Variants in PARD3B observed in about 807,000 individuals in gnomAD.
PARD3B encodes partitioning defective 3 homolog B.
A neutral mutation model predicts 130.2 loss-of-function variants in PARD3B; 103 were observed. That is an observed-to-expected ratio of 0.79 (90% CI 0.67 to 0.93). The LOEUF (loss-of-function observed/expected upper bound fraction) is 0.93, where lower values mean the gene tolerates loss of function less well. PARD3B is among the 40% of genes least tolerant of loss of function. PARD3B has a pLI of 0.00. For missense variants in PARD3B, 1,609 were observed against 1,499.2 expected (o/e 1.07, Z -1.21); for synonymous variants, 583 against 553.2 (o/e 1.05, Z -0.76).
chr2:205,178,223 G>GT lies in PARD3B; in HGVS notation c.1924+1646_1924+1647insT, dbSNP rs139926040. ...CATGCCTGTAATCCCAGCTACTATG[G>GT]GGGGGGAAAAAAAAAAGAAGAAGCT... is the stretch of plus-strand genomic sequence containing the variant. On this transcript the variant is annotated intron_variant, in intron 13 of 22. Transcript: ENST00000406610. 2.1e-5 allele frequency among the ~76,000 whole-genome samples: 3 copies of GT among 144,220 alleles called. 1 individual carries two copies. The highest frequency in any genetic ancestry group is 4.5e-5 in the Non-Finnish European group (3 of 67,266). The allele number at this position is 144,220 out of a possible 152,430, so 94.6% of individuals were successfully genotyped here. A position where few individuals can be genotyped will look rare whatever the true frequency, so the allele number is the denominator to read the frequency against.
chr2:204,837,261 T>C (rs2044074442), intron 2 of PARD3B, among the ~76,000 whole-genome samples: 1 of 152,140 alleles, frequency 6.6e-6, no homozygotes, highest in South Asian at 2.1e-4. Flanking sequence ...TAGTTCAAAG[T>C]ATACTTTTTA....
In PARD3B at chr2:205,489,377, C is replaced by T. The variant is rs576324756; in HGVS notation, c.3045-10519C>T. Reference sequence around the variant, plus strand: ...CTATAATCCCAGTGCTTTAGGAGGCCGAGACAGGAGGATAGCTTGAGCTCA... The same window carrying T: ...CTATAATCCCAGTGCTTTAGGAGGCTGAGACAGGAGGATAGCTTGAGCTCA... On this transcript the variant is annotated intron_variant, in intron 20 of 22. Transcript: ENST00000406610. 4.6e-5 allele frequency among the ~76,000 whole-genome samples: 7 copies of T among 151,514 alleles called. No homozygotes were observed. The South Asian group carries it at 1.5e-3, about 32-fold the overall frequency.
chr2:204,716,727 A>G (rs533224810), intron 2 of PARD3B, among the ~76,000 whole-genome samples: 1 of 147,790 alleles, frequency 6.8e-6, no homozygotes, highest in Admixed American at 6.9e-5. Flanking sequence ...GGTTCACGCC[A>G]TTCTCCTGCC....
At chr2:205,211,297 T>C (rs914813266) in intron 15 of PARD3B, among the ~76,000 whole-genome samples, 1 of 152,016 alleles carries the variant, frequency 6.6e-6, no homozygotes, top group Non-Finnish European at 1.5e-5. Flanking sequence ...TTCAGCTCCA[T>C]GTGAATGTAT....
chr2:205,387,680 G>A (rs2045710613), intron 18 of PARD3B, among the ~76,000 whole-genome samples: 1 of 152,182 alleles, frequency 6.6e-6, no homozygotes, highest in Non-Finnish European at 1.5e-5. Context: ...AAATATGACT[G>A]TAATGTTTGT....
In PARD3B at chr2:204,745,982, C is replaced by CTT. The variant is rs202102119; in HGVS notation, c.222+59710_222+59711dup. Among the ~76,000 whole-genome samples, 258 of 145,092 alleles carry CTT rather than the reference C, an allele frequency of 1.8e-3. 2 individuals are homozygous for CTT. The East Asian group carries it at 0.018, about 10-fold the overall frequency. ...CATGTAATATAGCAGGATTTTTTTT[C>CTT]TTTTTTTTTTTATTATACTTTAAGT... On this transcript the variant is annotated intron_variant, in intron 2 of 22. Transcript: ENST00000406610.
intron 2 of PARD3B, among the ~76,000 whole-genome samples, chr2:204,867,235 C>A (rs2045461288): frequency 1.3e-5 from 2 of 151,928 alleles, no homozygotes; most frequent in South Asian, 4.1e-4. Flanking sequence ...TTAGCCCTAA[C>A]AAATCTGAGT....
At chr2:205,483,060 TTG>T (rs1325118643) in intron 20 of PARD3B, among the ~76,000 whole-genome samples, 1 of 148,366 alleles carries the variant, frequency 6.7e-6, no homozygotes, top group East Asian at 2.0e-4. Flanking sequence ...TCTCGGTTCA[TTG>T]TGTGTCCATG....
At chr2:204,915,993 A>C (rs2047427551) in intron 2 of PARD3B, among the ~76,000 whole-genome samples, 1 of 152,210 alleles carries the variant, frequency 6.6e-6, no homozygotes, top group South Asian at 2.1e-4. Context: ...GTTGATTCCC[A>C]GTCCAGTAGC....
rs551359293 is a variant in PARD3B at position 205,267,985 on chromosome 2, G to A, written c.2185+22163G>A. 1.2e-3 allele frequency among the ~76,000 whole-genome samples: 186 copies of A among 152,232 alleles called. 1 individual carries two copies. Among genetic ancestry groups the A allele is most frequent in the African/African-American group, 4.2e-3 (175 of 41,558 alleles). ...AAGAGGCTGCCACCATATTTTATAT[G>A]GCACCAACTCTATTGGTTATTAATC... On this transcript the variant is annotated intron_variant, in intron 16 of 22. Transcript: ENST00000406610.
intron 15 of PARD3B, among the ~76,000 whole-genome samples, chr2:205,194,883 A>C (rs2036588069): frequency 6.6e-6 from 1 of 151,676 alleles, no homozygotes; most frequent in Non-Finnish European, 1.5e-5. Flanking sequence ...CCCTGGGTTC[A>C]AGTGATTCTC....
chr2:205,228,263 C>T (rs2038663725), intron 15 of PARD3B, among the ~76,000 whole-genome samples: 1 of 152,182 alleles, frequency 6.6e-6, no homozygotes, highest in African/African-American at 2.4e-5. Flanking sequence ...GAAGAACTCC[C>T]TTTAGCATTT....
chr2:205,225,775 T>C (rs2038511378), intron 15 of PARD3B, among the ~76,000 whole-genome samples: 1 of 152,156 alleles, frequency 6.6e-6, no homozygotes, highest in Admixed American at 6.5e-5. Context: ...GAGAGCTCAC[T>C]AACTATCATG....
chr2:204,933,079 A>G (rs1375687790), intron 2 of PARD3B, among the ~76,000 whole-genome samples: 4 of 152,172 alleles, frequency 2.6e-5, no homozygotes, highest in Non-Finnish European at 5.9e-5. Flanking sequence ...TGGTGTGAAG[A>G]ACTGATTGCT....
At chr2:204,725,998 G>A (rs747050651) in intron 2 of PARD3B, among the ~76,000 whole-genome samples, 6 of 152,168 alleles carry the variant, frequency 3.9e-5, no homozygotes, top group African/African-American at 9.7e-5. Flanking sequence ...GAAGCAGAAC[G>A]CCACAGTGGC....
In PARD3B at chr2:204,989,824, A is replaced by T. The variant is rs565221671; in HGVS notation, c.394+24501A>T. 3.3e-4 allele frequency among the ~76,000 whole-genome samples: 50 copies of T among 152,098 alleles called. 1 individual carries two copies. Among genetic ancestry groups the T allele is most frequent in the African/African-American group, 1.0e-3 (43 of 41,488 alleles). ...TCATTGCAGTATAGTTTCCTTTTTT[A>T]AAAAAATGGATATTTGCATTATTTC... On this transcript the variant is annotated intron_variant, in intron 3 of 22. Transcript: ENST00000406610.
chr2:205,404,792 G>A (rs761561743), intron 19 of PARD3B, among the ~76,000 whole-genome samples: 25 of 152,076 alleles, frequency 1.6e-4, no homozygotes, highest in Non-Finnish European at 3.1e-4. Flanking sequence ...GGGTTTACAG[G>A]CAGGAGCCAC....
rs148945315 is a variant in PARD3B at position 205,577,761 on chromosome 2, T to C, written c.3260+24358T>C. 3.3e-3 allele frequency among the ~76,000 whole-genome samples: 503 copies of C among 152,308 alleles called. 6 individuals are homozygous for C. The highest frequency in any genetic ancestry group is 9.1e-3 in the Admixed American group (139 of 15,292). On this transcript the variant is annotated intron_variant, in intron 22 of 22. Transcript: ENST00000406610. ...TAGGTTAACAGTGTCTCCAAGAGTGTTCAAGTCTCCCTGCTCTCATCAGAT... is the reference window on the plus strand; with the variant it reads ...TAGGTTAACAGTGTCTCCAAGAGTGCTCAAGTCTCCCTGCTCTCATCAGAT...
intron 2 of PARD3B, among the ~76,000 whole-genome samples, chr2:204,780,701 G>A (rs2041805059): frequency 6.6e-6 from 1 of 152,126 alleles, no homozygotes; most frequent in Non-Finnish European, 1.5e-5. Context: ...ACGTATCTGA[G>A]TGGAAAAACA....
Sources: gnomAD v4.1 joint callset for allele counts (sites outside exome capture counted in the v4.1 genomes callset) on GRCh38, gnomAD v4.1.1 for gene constraint, MANE v1.5 for transcripts, NCBI Gene and HGNC (gene_info 2026-07-23, HGNC 2026-07-21) for gene names.